Variants in ZCCHC7 observed in about 807,000 individuals in gnomAD.
ZCCHC7 encodes zinc finger CCHC-type containing 7.
In ZCCHC7, 35 loss-of-function variants were observed where a neutral mutation model predicts 52.0. The observed-to-expected ratio is 0.67, with a 90% confidence interval of 0.51 to 0.89. The LOEUF (loss-of-function observed/expected upper bound fraction) is 0.89, where lower values mean the gene tolerates loss of function less well. ZCCHC7 is among the 40% of genes least tolerant of loss of function. The pLI is 0.00. For missense variants in ZCCHC7, 574 were observed against 649.1 expected (o/e 0.88, Z 1.26); for synonymous variants, 217 against 221.5 (o/e 0.98, Z 0.18).
At chr9:37,152,421 C>G (rs1820582553) in intron 2 of ZCCHC7, among the ~76,000 whole-genome samples, 1 of 152,120 alleles carries the variant, frequency 6.6e-6, no homozygotes, top group Non-Finnish European at 1.5e-5. Flanking sequence ...ATACATTATT[C>G]AGATTTCTTT....
chr9:37,202,289 G>T (rs939409302), intron 2 of ZCCHC7, among the ~76,000 whole-genome samples: 1 of 152,088 alleles, frequency 6.6e-6, no homozygotes, highest in East Asian at 1.9e-4. Context: ...AAAGTTAAAG[G>T]GTAAACAGTC....
At chr9:37,197,873 A>G (rs2133138691) in intron 2 of ZCCHC7, among the ~76,000 whole-genome samples, 1 of 152,292 alleles carries the variant, frequency 6.6e-6, no homozygotes, top group African/African-American at 2.4e-5. Flanking sequence ...TACTTTATCT[A>G]CTTCAGGTAG....
chr9:37,300,046 C>T (rs141339333), intron 2 of ZCCHC7, among the ~76,000 whole-genome samples: 96 of 152,256 alleles, frequency 6.3e-4, no homozygotes, highest in African/African-American at 2.1e-3. Context: ...TTGGTTCTAC[C>T]AGGGTAGTCT....
chr9:37,267,252 GT>G (rs1452910761), intron 2 of ZCCHC7, among the ~76,000 whole-genome samples: 1 of 152,134 alleles, frequency 6.6e-6, no homozygotes, highest in Admixed American at 6.5e-5. Context: ...AATCTTCTTA[GT>G]TTACTAGCCA....
intron 2 of ZCCHC7, among the ~76,000 whole-genome samples, chr9:37,177,692 CTTGAT>C (rs925007210): frequency 6.6e-6 from 1 of 152,276 alleles, no homozygotes; most frequent in Middle Eastern, 3.4e-3. Flanking sequence ...AGGATATACT[CTTGAT>C]ATGATATAAT....
intron 2 of ZCCHC7, among the ~76,000 whole-genome samples, chr9:37,283,311 G>C (rs1828059816): frequency 6.6e-6 from 1 of 152,052 alleles, no homozygotes; most frequent in Non-Finnish European, 1.5e-5. Context: ...TATAATCTAA[G>C]TTCCCATAGT....
chr9:37,205,982 A>T (rs565555964), intron 2 of ZCCHC7, among the ~76,000 whole-genome samples: 1 of 151,810 alleles, frequency 6.6e-6, no homozygotes, highest in South Asian at 2.1e-4. Flanking sequence ...TTGACCCCTT[A>T]GTCATTATTA....
At chr9:37,228,316 ATTAC>A (rs1343111833) in intron 2 of ZCCHC7, among the ~76,000 whole-genome samples, 2 of 152,196 alleles carry the variant, frequency 1.3e-5, no homozygotes, top group African/African-American at 2.4e-5. Flanking sequence ...TACATTATAA[ATTAC>A]TTTATGCATT....
chr9:37,150,828 T>A (rs1820478267), intron 2 of ZCCHC7, among the ~76,000 whole-genome samples: 1 of 152,160 alleles, frequency 6.6e-6, no homozygotes, highest in Non-Finnish European at 1.5e-5. Flanking sequence ...ATGTAAAATA[T>A]TACAAAATAT....
intron 7 of ZCCHC7, among the ~76,000 whole-genome samples, chr9:37,351,386 G>T (rs910201936): frequency 2.0e-5 from 3 of 152,094 alleles, no homozygotes; most frequent in African/African-American, 7.2e-5. Flanking sequence ...GCTCACTGCA[G>T]CTTTGACCTC....
In ZCCHC7 at chr9:37,245,494, C is replaced by T. The variant is rs1459247360; in HGVS notation, c.611-56694C>T. 3.3e-5 allele frequency among the ~76,000 whole-genome samples: 5 copies of T among 152,108 alleles called. No homozygotes were observed. The East Asian group carries it at 9.6e-4, about 29-fold the overall frequency. On this transcript the variant is annotated intron_variant, in intron 2 of 8. Coordinates refer to ENST00000336755, the MANE Select transcript of ZCCHC7 (RefSeq NM_032226.3). ...CAATCCAACAAACTATTGTTGAGCA[C>T]CTACCTGTGCAGAGTGGACAATGTT...
chr9:37,309,012 T>G (rs1008294065), intron 5 of ZCCHC7, among the ~76,000 whole-genome samples: 4 of 145,916 alleles, frequency 2.7e-5, no homozygotes, highest in African/African-American at 1.0e-4. Context: ...CTGGGCAACA[T>G]AGTGAGAGCC....
chr9:37,283,624 T>G (rs1828075286), intron 2 of ZCCHC7, among the ~76,000 whole-genome samples: 1 of 152,190 alleles, frequency 6.6e-6, no homozygotes, highest in African/African-American at 2.4e-5. Context: ...GTCACTTTTT[T>G]GGGGAGAAGA....
rs58626855 is a variant in ZCCHC7, at chr9:37,164,441, T to TTAGATAGATAGA, written c.610+37548_610+37559dup. On this transcript the variant is annotated intron_variant, in intron 2 of 8. Coordinates refer to ENST00000336755, the MANE Select transcript of ZCCHC7 (RefSeq NM_032226.3). ...GCCGGGGTGACGGAGTGAGACTGTC[T>TTAGATAGATAGA]TAGATAGATAGATAGATAGATAGAT... 1.1e-3 allele frequency among the ~76,000 whole-genome samples: 159 copies of TTAGATAGATAGA among 139,526 alleles called. 1 individual carries two copies. Among genetic ancestry groups the TTAGATAGATAGA allele is most frequent in the Middle Eastern group, 3.5e-3 (1 of 284 alleles). The allele number at this position is 139,526 out of a possible 152,430, so 91.5% of individuals were successfully genotyped here.
intron 2 of ZCCHC7, among the ~76,000 whole-genome samples, chr9:37,153,908 G>T (rs1278410622): frequency 6.6e-6 from 1 of 152,030 alleles, no homozygotes; most frequent in Non-Finnish European, 1.5e-5. Context: ...TTTGCTTTTG[G>T]AGACAAGGTC....
intron 3 of ZCCHC7, 138 bp downstream of exon 3, chr9:37,302,369 C>T (rs1460389383): frequency 7.5e-6 from 5 of 668,110 alleles, no homozygotes; most frequent in Non-Finnish European, 1.2e-5. Flanking sequence ...TGATTTAACT[C>T]TTCAGAAACT....
At chr9:37,142,492 A>G (rs186691267) in intron 2 of ZCCHC7, among the ~76,000 whole-genome samples, 1 of 151,824 alleles carries the variant, frequency 6.6e-6, no homozygotes, top group African/African-American at 2.4e-5. Flanking sequence ...GCATCATTGA[A>G]TTTTGTTTTC....
At chr9:37,309,376 C>G (rs954225279) in intron 5 of ZCCHC7, among the ~76,000 whole-genome samples, 1 of 152,174 alleles carries the variant, frequency 6.6e-6, no homozygotes, top group Non-Finnish European at 1.5e-5. Flanking sequence ...CCTCTGCAGC[C>G]CTATCAAATG....
At position 37,323,066 on chromosome 9, in the gene ZCCHC7, TTACC is replaced by T. The variant is rs563815672; in HGVS notation, c.952-4730_952-4727del. On this transcript the variant is annotated intron_variant, in intron 5 of 8. Coordinates refer to ENST00000336755, the MANE Select transcript of ZCCHC7 (RefSeq NM_032226.3). ...TTGAGGAGGTACTGTTAGCCCCGTT[TTACC>T]TATGAGGAAACTGAGACACAGAGAT... 5.2e-3 allele frequency among the ~76,000 whole-genome samples: 799 copies of T among 152,270 alleles called. 3 individuals carry two copies. The highest frequency in any genetic ancestry group is 0.011 in the South Asian group (53 of 4,816).
Sources: gnomAD v4.1 joint callset for allele counts (sites outside exome capture counted in the v4.1 genomes callset) on GRCh38, gnomAD v4.1.1 for gene constraint, MANE v1.5 for transcripts, NCBI Gene and HGNC (gene_info 2026-07-23, HGNC 2026-07-21) for gene names.